Variants in PIGL observed in about 807,000 individuals in gnomAD.
PIGL encodes N-acetylglucosaminyl-phosphatidylinositol de-N-acetylase.
PIGL carries 22 observed loss-of-function variants against 31.1 expected under a neutral mutation model. That is an observed-to-expected ratio of 0.71 (90% CI 0.51 to 1.01). The LOEUF (loss-of-function observed/expected upper bound fraction) is 1.01. Ranked by LOEUF, PIGL falls within the 50% of genes least tolerant of loss-of-function variation. The pLI is 0.00. For missense variants in PIGL, 302 were observed against 315.9 expected, an observed-to-expected ratio of 0.96 and a Z score of 0.33; for synonymous variants, 131 against 117.4, an observed-to-expected ratio of 1.12 and a Z score of -0.75.
At chr17:16,260,375 G>C (rs1312462371) in intron 2 of PIGL, among the ~76,000 whole-genome samples, 1 of 152,152 alleles carries the variant, frequency 6.6e-6, no homozygotes, top group African/African-American at 2.4e-5. Context: ...GCAAACCATG[G>C]ACCAATTCAG....
chr17:16,217,240 G>A lies in PIGL; in HGVS notation c.14G>A (p.Trp5Ter). Reference sequence around the variant, plus strand: ...TGCTTACCCATCATGGAAGCAATGTGGCTCCTGTGTGTGGCGTTGGCGGTC... The same window carrying A: ...TGCTTACCCATCATGGAAGCAATGTAGCTCCTGTGTGTGGCGTTGGCGGTC... The part of the protein sequence containing the change: MEAM[W>*]LLCVALAVLA... Residue 5 changes from tryptophan to a stop codon, truncating the protein, a stop_gained, in exon 1 of 7, where the codon TGG (tryptophan) becomes TAG (stop). Coordinates refer to ENST00000225609, the MANE Select transcript of PIGL (RefSeq NM_004278.4). LOFTEE classifies it high-confidence loss of function. 1.9e-6 allele frequency: 3 copies of A among 1,614,148 alleles called. No homozygotes were observed. The highest frequency in any genetic ancestry group is 1.7e-6 in the Non-Finnish European group (2 of 1,179,988).
intron 2 of PIGL, among the ~76,000 whole-genome samples, chr17:16,296,691 A>G (rs1342189834): frequency 1.3e-5 from 2 of 151,122 alleles, no homozygotes; most frequent in African/African-American, 4.9e-5. Flanking sequence ...AGGCTAATGC[A>G]GCAATAACAG....
intron 3 of PIGL, among the ~76,000 whole-genome samples, chr17:16,300,540 G>C (rs1179464387): frequency 6.6e-6 from 1 of 152,088 alleles, no homozygotes; most frequent in East Asian, 1.9e-4. Context: ...AATTAGCCGG[G>C]CGTGGTGGCA....
rs759225575 is a variant in PIGL, at chr17:16,299,879, C to T, written c.336-9C>T. On this transcript the variant is annotated splice_polypyrimidine_tract_variant and intron_variant, in intron 2 of 6. Coordinates refer to ENST00000225609, the MANE Select transcript of PIGL (RefSeq NM_004278.4). ...GAAAAGGTGTTCAAGTTGTGCTTCT[C>T]TCTTGTAGGGATTTCCCAGATGACC... The T allele has an allele frequency of 6.2e-7, 1 of 1,608,022 alleles. No individual in the cohort carries two copies. The highest frequency in any genetic ancestry group is 1.1e-5 in the South Asian group (1 of 90,954).
At chr17:16,315,184 A>T (rs964921135) in intron 4 of PIGL, among the ~76,000 whole-genome samples, 2 of 152,172 alleles carry the variant, frequency 1.3e-5, no homozygotes, top group Admixed American at 1.3e-4. Context: ...TCCTCAGAAG[A>T]GGCTGGAGTG....
At chr17:16,248,293 T>C (rs1324642667) in intron 2 of PIGL, among the ~76,000 whole-genome samples, 2 of 152,182 alleles carry the variant, frequency 1.3e-5, no homozygotes, top group Non-Finnish European at 2.9e-5. Context: ...TCTCAACTCT[T>C]ACATTTTACT....
At chr17:16,321,215 GGCATGAAC>G (rs2093104178) in intron 6 of PIGL, among the ~76,000 whole-genome samples, 1 of 150,336 alleles carries the variant, frequency 6.7e-6, no homozygotes, top group East Asian at 1.9e-4. Context: ...TGGGATTACA[GGCATGAAC>G]CACTGCGCCG....
intron 1 of PIGL, among the ~76,000 whole-genome samples, chr17:16,220,675 CG>C (rs1383801089): frequency 6.6e-6 from 1 of 151,784 alleles, no homozygotes; most frequent in Non-Finnish European, 1.5e-5. Flanking sequence ...TTAGTAGAGA[CG>C]GGCTTTCTCC....
intron 2 of PIGL, among the ~76,000 whole-genome samples, chr17:16,272,348 A>G (rs2092876499): frequency 6.6e-6 from 1 of 152,194 alleles, no homozygotes; most frequent in South Asian, 2.1e-4. Context: ...GACCTATGCC[A>G]TGTAATCTGT....
intron 6 of PIGL, among the ~76,000 whole-genome samples, chr17:16,318,940 C>A (rs1809168884): frequency 6.8e-6 from 1 of 148,124 alleles, no homozygotes; most frequent in African/African-American, 2.5e-5. Flanking sequence ...AAAAAAAAAA[C>A]AACAAAAAAC....
chr17:16,305,444 G>T (rs1251044888), intron 3 of PIGL, among the ~76,000 whole-genome samples: 1 of 152,160 alleles, frequency 6.6e-6, no homozygotes, highest in Non-Finnish European at 1.5e-5. Flanking sequence ...AAATACTTTT[G>T]CACTTTAGGA....
rs559544959 is a variant in PIGL, at chr17:16,284,753, G to C, written c.336-15135G>C. Among the ~76,000 whole-genome samples, 18 of 152,234 alleles carry C rather than the reference G, an allele frequency of 1.2e-4. No homozygotes were observed. The South Asian group carries it at 3.5e-3, about 30-fold the overall frequency. On this transcript the variant is annotated intron_variant, in intron 2 of 6. Transcript: ENST00000225609. ...TAACTGGCTTCCCCCAACCTACCAA[G>C]TTGTCCTTAAAAACTCTGATTCCAG...
chr17:16,288,110 ATTCT>A (rs751032046), intron 2 of PIGL, among the ~76,000 whole-genome samples: 2 of 152,128 alleles, frequency 1.3e-5, no homozygotes, highest in African/African-American at 4.8e-5. Context: ...CATTTATTTG[ATTCT>A]TTCTGAGAAG....
At chr17:16,276,321 A>G (rs2092895193) in intron 2 of PIGL, among the ~76,000 whole-genome samples, 1 of 152,200 alleles carries the variant, frequency 6.6e-6, no homozygotes, top group Non-Finnish European at 1.5e-5. Context: ...ATTGATCCAG[A>G]TTTTTACATT....
intron 2 of PIGL, among the ~76,000 whole-genome samples, chr17:16,284,969 A>T (rs2092931299): frequency 6.6e-6 from 1 of 152,198 alleles, no homozygotes; most frequent in South Asian, 2.1e-4. Flanking sequence ...ACAACATTAG[A>T]TAGCAAATTG....
chr17:16,230,759 G>A (rs575726952), intron 1 of PIGL, among the ~76,000 whole-genome samples: 5 of 151,754 alleles, frequency 3.3e-5, no homozygotes, highest in African/African-American at 1.2e-4. Context: ...TTACAGGCTA[G>A]GATTACAGGC....
Position 16,317,796 on chromosome 17 carries a change from A to C in PIGL, c.548A>C (p.Gln183Pro), listed in dbSNP as rs2093084573. The change falls in exon 6 of 7, where the codon CAG (glutamine) becomes CCG (proline). Residue 183 changes from glutamine (Q) to proline (P), a missense_variant. Physicochemically the swap from Gln to Pro is moderately conservative, Grantham distance 76. Transcript: ENST00000225609. The part of the protein sequence containing the change: ...LPKGCSVLTL[Q>P]SVNVLRKYIS... ...CCAGGGTGCTCTGTGCTCACGCTTC[A>C]GTCTGTGAATGTGCTGCGCAAGTAC... 1 of 1,613,958 alleles carries C rather than the reference A, an allele frequency of 6.2e-7. No individual in the cohort carries two copies. Among genetic ancestry groups the C allele is most frequent in the African/African-American group, 1.3e-5 (1 of 74,930 alleles).
chr17:16,249,654 C>T (rs1033589959), intron 2 of PIGL, among the ~76,000 whole-genome samples: 7 of 152,174 alleles, frequency 4.6e-5, no homozygotes, highest in African/African-American at 1.7e-4. Context: ...ACAAGCAGGC[C>T]ACTGGTATAA....
intron 2 of PIGL, among the ~76,000 whole-genome samples, chr17:16,266,075 A>C (rs962152052): frequency 6.6e-6 from 1 of 151,986 alleles, no homozygotes; most frequent in Non-Finnish European, 1.5e-5. Context: ...TTCTAGAAAA[A>C]TCTCAGTGCT....
Sources: allele counts gnomAD v4.1 joint callset (sites outside exome capture counted in the v4.1 genomes callset), GRCh38; gene constraint gnomAD v4.1.1; transcripts MANE v1.5; gene names NCBI Gene and HGNC (gene_info 2026-07-23, HGNC 2026-07-21).